Variants in XKR4 observed in about 807,000 individuals in gnomAD.
XKR4 encodes XK-related protein 4.
In XKR4, 12 loss-of-function variants were observed where a neutral mutation model predicts 53.9. That is an observed-to-expected ratio of 0.22 (90% CI 0.14 to 0.36). The LOEUF is 0.36. Among genes scored for constraint, XKR4 ranks in the 10% least tolerant of loss-of-function variants. The pLI, the probability that XKR4 is intolerant of heterozygous loss-of-function variation, is 1.00. For missense variants in XKR4, 799 were observed against 859.5 expected (o/e 0.93, Z 0.88); for synonymous variants, 354 against 362.4 (o/e 0.98, Z 0.26).
intron 2 of XKR4, among the ~76,000 whole-genome samples, chr8:55,458,239 A>G (rs1367621024): frequency 6.6e-6 from 1 of 152,182 alleles, no homozygotes; most frequent in Non-Finnish European, 1.5e-5. Flanking sequence ...AGTTCCCTTG[A>G]CCCCTTCATG....
intron 2 of XKR4, among the ~76,000 whole-genome samples, chr8:55,522,067 T>C (rs748536641): frequency 6.6e-6 from 1 of 152,232 alleles, no homozygotes; most frequent in African/African-American, 2.4e-5. Flanking sequence ...ATACCATTTC[T>C]GTGACAGAGG....
At position 55,240,267 on chromosome 8, in the gene XKR4, A is replaced by G. The variant is rs78129777; in HGVS notation, c.807-117411A>G. Among the ~76,000 whole-genome samples the G allele has an allele frequency of 5.1e-4, 77 of 152,384 alleles. 1 individual carries two copies. In the East Asian group the frequency reaches 0.013, roughly 25 times the overall value. Reference sequence around the variant, plus strand: ...AGGATATATTTATTTAAAAAAATATAAAAACACAGATCAAATACATAAGAA... The same window carrying G: ...AGGATATATTTATTTAAAAAAATATGAAAACACAGATCAAATACATAAGAA... On this transcript the variant is annotated intron_variant, in intron 1 of 2. Coordinates refer to ENST00000327381, the MANE Select transcript of XKR4 (RefSeq NM_052898.2).
chr8:55,228,325 C>A (rs915873234), intron 1 of XKR4, among the ~76,000 whole-genome samples: 5 of 148,820 alleles, frequency 3.4e-5, no homozygotes, highest in Non-Finnish European at 7.6e-5. Context: ...TCCTTAAGTA[C>A]GATTTGCTAA....
At chr8:55,284,615 TGA>T (rs756093474) in intron 1 of XKR4, among the ~76,000 whole-genome samples, 2 of 151,916 alleles carry the variant, frequency 1.3e-5, no homozygotes, top group East Asian at 3.9e-4. Context: ...AACAGGTGAT[TGA>T]GAGAGAGAGA....
At chr8:55,450,046 C>T (rs1020585865) in intron 2 of XKR4, 12 of 775,126 alleles carry the variant, frequency 1.5e-5, no homozygotes, top group Middle Eastern at 2.6e-4. Context: ...AGGGGTGCCA[C>T]GTCCATCTGG....
intron 2 of XKR4, among the ~76,000 whole-genome samples, chr8:55,481,978 G>A (rs1232271015): frequency 3.9e-5 from 6 of 152,204 alleles, no homozygotes; most frequent in Non-Finnish European, 7.3e-5. Flanking sequence ...CATTGTGGAA[G>A]TCAGTGTGGC....
At chr8:55,400,602 G>A (rs1804584755) in intron 2 of XKR4, among the ~76,000 whole-genome samples, 2 of 152,184 alleles carry the variant, frequency 1.3e-5, no homozygotes, top group South Asian at 4.1e-4. Context: ...GACAGCCTGA[G>A]CAAGGACAGC....
intron 2 of XKR4, among the ~76,000 whole-genome samples, chr8:55,426,474 A>C (rs1805015476): frequency 6.6e-6 from 1 of 152,078 alleles, no homozygotes; most frequent in Non-Finnish European, 1.5e-5. Context: ...CTGTCCATAC[A>C]TTTATCACGG....
At chr8:55,328,392 C>T (rs1335835045) in intron 1 of XKR4, among the ~76,000 whole-genome samples, 4 of 152,160 alleles carry the variant, frequency 2.6e-5, no homozygotes, top group African/African-American at 9.7e-5. Context: ...ACATGAGATA[C>T]CATGCAAGTG....
chr8:55,250,210 A>G (rs1416035019), intron 1 of XKR4, among the ~76,000 whole-genome samples: 1 of 152,208 alleles, frequency 6.6e-6, no homozygotes, highest in East Asian at 1.9e-4. Context: ...CAGCTAAAGG[A>G]TAGCTTTAAG....
chr8:55,357,608 A>G, intron 1 of XKR4, 70 bp from the exon 2 acceptor site: 9 of 1,554,350 alleles, frequency 5.8e-6, no homozygotes, highest in Non-Finnish European at 7.9e-6. Flanking sequence ...GCAGAAAAGA[A>G]CAACCCTGGA....
intron 1 of XKR4, 118 bp downstream of exon 1, chr8:55,103,412 C>T: frequency 6.9e-7 from 1 of 1,453,646 alleles, no homozygotes; most frequent in South Asian, 1.5e-5. Context: ...CACACTCTTC[C>T]AGTTTTTTGG....
intron 2 of XKR4, among the ~76,000 whole-genome samples, chr8:55,389,843 G>A (rs1481804985): frequency 1.3e-5 from 2 of 152,160 alleles, no homozygotes; most frequent in Admixed American, 6.5e-5. Context: ...TCAGGTACTT[G>A]GAAACACATC....
intron 1 of XKR4, among the ~76,000 whole-genome samples, chr8:55,142,737 G>C (rs1329224065): frequency 1.3e-5 from 2 of 152,190 alleles, no homozygotes; most frequent in African/African-American, 4.8e-5. Flanking sequence ...AATTGGGACT[G>C]ACATTTTCTG....
In XKR4 at chr8:55,136,242, T is replaced by G. The variant is rs542428024; in HGVS notation, c.806+32948T>G. ...CAAACAATTTACAATATACTCACCA[T>G]TATTTTATAATCAAGACACATTGTT... On this transcript the variant is annotated intron_variant, in intron 1 of 2. Coordinates refer to ENST00000327381, the MANE Select transcript of XKR4 (RefSeq NM_052898.2). Among the ~76,000 whole-genome samples, 127 of 152,326 alleles carry G rather than the reference T, an allele frequency of 8.3e-4. 1 individual carries two copies. Among genetic ancestry groups the G allele is most frequent in the African/African-American group, 3.0e-3 (124 of 41,584 alleles).
At chr8:55,356,425 A>T (rs560544410) in intron 1 of XKR4, among the ~76,000 whole-genome samples, 1 of 152,338 alleles carries the variant, frequency 6.6e-6, no homozygotes, top group East Asian at 1.9e-4. Context: ...TATGCAAGAA[A>T]TTTAAAAGGA....
intron 1 of XKR4, among the ~76,000 whole-genome samples, chr8:55,107,618 A>T (rs1816168377): frequency 6.6e-6 from 1 of 152,196 alleles, no homozygotes; most frequent in Non-Finnish European, 1.5e-5. Context: ...ATGATCTCGT[A>T]GTAGTTTTAA....
In XKR4 at chr8:55,540,671, G is replaced by A. The variant is rs1807089369; in HGVS notation, c.*16444G>A. The A allele has an allele frequency of 6.6e-6, 1 of 152,170 alleles. No homozygotes were observed. The highest frequency in any genetic ancestry group is 2.4e-5 in the African/African-American group (1 of 41,450). The allele number at this position is 152,170 out of a possible 1,614,324, so 9.4% of individuals were successfully genotyped here. A position where few individuals can be genotyped will look rare whatever the true frequency, so the allele number is the denominator to read the frequency against. On this transcript the variant is annotated 3_prime_UTR_variant, in exon 3 of 3. Coordinates refer to ENST00000327381, the MANE Select transcript of XKR4 (RefSeq NM_052898.2). ...TGAGCCAGAGGTTTCTTCTCTCTTT[G>A]AAACCAAATAGCACGCTGAATTTAG...
chr8:55,495,414 G>C (rs1002288712), intron 2 of XKR4, among the ~76,000 whole-genome samples: 1 of 152,172 alleles, frequency 6.6e-6, no homozygotes, highest in Non-Finnish European at 1.5e-5. Context: ...CCCAGCTCCT[G>C]CTGGCTCCAT....
Sources: allele counts gnomAD v4.1 joint callset (sites outside exome capture counted in the v4.1 genomes callset), GRCh38; gene constraint gnomAD v4.1.1; transcripts MANE v1.5; gene names NCBI Gene and HGNC (gene_info 2026-07-23, HGNC 2026-07-21).